The following DGKI variants were observed in gnomAD, a reference collection of about 807,000 sequenced individuals.
The protein encoded by DGKI is diacylglycerol kinase iota.
In DGKI, 55 loss-of-function variants were observed where a neutral mutation model predicts 147.5. That is an observed-to-expected ratio of 0.37 (90% confidence interval 0.30 to 0.47). The LOEUF (loss-of-function observed/expected upper bound fraction) is 0.47. Among genes scored for constraint, DGKI ranks in the 20% least tolerant of loss-of-function variants. The pLI is 1.00. For synonymous variants in DGKI, 469 were observed against 477.1 expected, an observed-to-expected ratio of 0.98 and a Z score of 0.22; for missense variants, 1,007 against 1,323.8, an observed-to-expected ratio of 0.76 and a Z score of 3.71.
chr7:137,577,757 T>C (rs1400922552), intron 16 of DGKI, among the ~76,000 whole-genome samples: 1 of 152,194 alleles, frequency 6.6e-6, no homozygotes, highest in Non-Finnish European at 1.5e-5. Flanking sequence ...TGCCTTTTTT[T>C]CATTCTCTAT....
intron 14 of DGKI, among the ~76,000 whole-genome samples, chr7:137,584,471 TA>T (rs1013714370): frequency 2.0e-5 from 3 of 152,110 alleles, no homozygotes; most frequent in African/African-American, 4.8e-5. Flanking sequence ...TCGGTTGAAA[TA>T]AAAGCTCAAT....
In DGKI at chr7:137,632,560, A is replaced by C. The variant is rs369994375; in HGVS notation, c.805-9006T>G. On this transcript the variant is annotated intron_variant, in intron 6 of 32. Coordinates refer to ENST00000614521, the MANE Select transcript of DGKI (RefSeq NM_001321708.2). ...AGCACCAGGTATCTAATGGTCCCCT[A>C]TTAAAATAAAGATACAGGCCGGGCA... is the stretch of plus-strand genomic sequence containing the variant. Among the ~76,000 whole-genome samples the C allele has an allele frequency of 9.9e-5, 15 of 152,282 alleles. No homozygotes were observed. The South Asian group carries it at 1.7e-3, about 17-fold the overall frequency.
intron 1 of DGKI, among the ~76,000 whole-genome samples, chr7:137,754,427 G>A (rs932278814): frequency 1.3e-5 from 2 of 152,192 alleles, no homozygotes; most frequent in African/African-American, 2.4e-5. Flanking sequence ...CAGGGAAGAA[G>A]GGCAGTGGGA....
intron 1 of DGKI, among the ~76,000 whole-genome samples, chr7:137,786,373 G>A (rs1446738935): frequency 6.6e-6 from 1 of 151,910 alleles, no homozygotes; most frequent in Non-Finnish European, 1.5e-5. Flanking sequence ...TTTCGTAATA[G>A]CTGCAAAAAA....
At chr7:137,730,027 A>G (rs958027934) in intron 1 of DGKI, among the ~76,000 whole-genome samples, 2 of 152,146 alleles carry the variant, frequency 1.3e-5, no homozygotes, top group Non-Finnish European at 2.9e-5. Flanking sequence ...ACAGGGCACA[A>G]TGCAGACCAA....
intron 12 of DGKI, among the ~76,000 whole-genome samples, chr7:137,596,215 AC>A (rs1294038934): frequency 6.6e-6 from 1 of 152,014 alleles, no homozygotes; most frequent in Admixed American, 6.6e-5. Context: ...AGGAAGGACG[AC>A]ATCCTCAACT....
intron 23 of DGKI, among the ~76,000 whole-genome samples, chr7:137,474,732 G>C (rs1815108196): frequency 6.6e-6 from 1 of 152,172 alleles, no homozygotes; most frequent in Non-Finnish European, 1.5e-5. Context: ...TCTGATGAAT[G>C]AGATGGAAAA....
chr7:137,724,028 G>A (rs141666386), intron 1 of DGKI, among the ~76,000 whole-genome samples: 38 of 151,916 alleles, frequency 2.5e-4, no homozygotes, highest in African/African-American at 9.2e-4. Context: ...TTTTGATAAG[G>A]TATCATGACA....
intron 25 of DGKI, 130 bp from the exon 26 acceptor site, chr7:137,466,165 T>C (rs1299305413): frequency 8.8e-7 from 1 of 1,141,386 alleles, no homozygotes; most frequent in African/African-American, 1.6e-5. Context: ...CAGTTGGTGA[T>C]CCTCCCCAAA....
chr7:137,742,007 C>T (rs1795186206), intron 1 of DGKI, among the ~76,000 whole-genome samples: 1 of 152,166 alleles, frequency 6.6e-6, no homozygotes, highest in Admixed American at 6.5e-5. Context: ...GTTATGAGTA[C>T]ACAGCACGTC....
At chr7:137,615,103 C>T (rs541275225) in intron 8 of DGKI, among the ~76,000 whole-genome samples, 2 of 152,200 alleles carry the variant, frequency 1.3e-5, no homozygotes, top group East Asian at 3.9e-4. Context: ...GACCACTCTC[C>T]ACCTTGGATA....
chr7:137,473,964 T>C (rs1387492120), intron 23 of DGKI, among the ~76,000 whole-genome samples: 1 of 152,198 alleles, frequency 6.6e-6, no homozygotes, highest in Non-Finnish European at 1.5e-5. Context: ...TGGGAGTTGT[T>C]AGAAAAGCAA....
chr7:137,482,432 G>A (rs537381734), intron 23 of DGKI, among the ~76,000 whole-genome samples: 4 of 151,774 alleles, frequency 2.6e-5, no homozygotes, highest in East Asian at 1.9e-4. Flanking sequence ...GATCTCCTCC[G>A]GCCTTGTAGT....
intron 32 of DGKI, among the ~76,000 whole-genome samples, chr7:137,394,525 A>C (rs1329352188): frequency 6.6e-6 from 1 of 151,680 alleles, no homozygotes; most frequent in Non-Finnish European, 1.5e-5. Flanking sequence ...CTATCTTTCA[A>C]CCCTTTCTCT....
intron 1 of DGKI, among the ~76,000 whole-genome samples, chr7:137,749,801 T>C (rs1196001832): frequency 6.6e-6 from 1 of 152,086 alleles, no homozygotes; most frequent in Non-Finnish European, 1.5e-5. Flanking sequence ...TCCAATCACA[T>C]CCCTAAATGG....
chr7:137,767,534 AGAGT>A lies in DGKI; in HGVS notation c.402-77536_402-77533del, dbSNP rs1563188480. Among the ~76,000 whole-genome samples the A allele has an allele frequency of 6.4e-3, 886 of 139,442 alleles. 16 individuals carry two copies. Among genetic ancestry groups the A allele is most frequent in the African/African-American group, 0.024 (838 of 34,898 alleles). The allele number at this position is 139,442 out of a possible 152,430, so 91.5% of individuals were successfully genotyped here. The stretch of plus-strand genomic sequence containing the variant: ...AGAGAAGAGAAGAGAAGAGAAGAGT[AGAGT>A]AGGAGGAAGAGGAAGAGAAGAGAAG... On this transcript the variant is annotated intron_variant, in intron 1 of 32. Transcript: ENST00000614521.
intron 1 of DGKI, among the ~76,000 whole-genome samples, chr7:137,715,335 C>T (rs1309841701): frequency 6.6e-6 from 1 of 152,220 alleles, no homozygotes; most frequent in African/African-American, 2.4e-5. Flanking sequence ...CATCCCCAGA[C>T]CTACAAAATT....
intron 21 of DGKI, among the ~76,000 whole-genome samples, chr7:137,502,749 C>G (rs973051267): frequency 2.6e-5 from 4 of 152,070 alleles, no homozygotes; most frequent in Non-Finnish European, 5.9e-5. Context: ...AACGGAACAC[C>G]AGCTTTCATC....
chr7:137,730,099 C>T (rs1351823138), intron 1 of DGKI, among the ~76,000 whole-genome samples: 6 of 152,128 alleles, frequency 3.9e-5, no homozygotes, highest in East Asian at 3.9e-4. Context: ...CTTTCTCCTC[C>T]ACCCCTTCTT....
Sources: gnomAD v4.1 joint callset for allele counts (sites outside exome capture counted in the v4.1 genomes callset) on GRCh38, gnomAD v4.1.1 for gene constraint, MANE v1.5 for transcripts, NCBI Gene and HGNC (gene_info 2026-07-23, HGNC 2026-07-21) for gene names.